IREB2: variants seen among roughly 807,000 people sequenced by gnomAD.
The protein encoded by IREB2 is iron-responsive element-binding protein 2.
In IREB2, 39 loss-of-function variants were observed where a neutral mutation model predicts 118.8. The ratio of observed to expected loss-of-function variants is 0.33; its 90% confidence interval spans 0.25 to 0.43. The LOEUF (loss-of-function observed/expected upper bound fraction) is 0.43. Among genes scored for constraint, IREB2 ranks in the 20% least tolerant of loss-of-function variants. The pLI, the probability that IREB2 is intolerant of heterozygous loss-of-function variation, is 1.00. For missense variants in IREB2, 900 were observed against 1,147.3 expected (o/e 0.78, Z 3.11); for synonymous variants, 372 against 392.2 (o/e 0.95, Z 0.61).
At chr15:78,483,528 A>G (rs576259053) in intron 11 of IREB2, 94 bp downstream of exon 11, 113 of 718,240 alleles carry the variant, frequency 1.6e-4, no homozygotes, top group African/African-American at 1.2e-4. Flanking sequence ...ATTCACTGCT[A>G]TGTTTTATAT....
intron 2 of IREB2, among the ~76,000 whole-genome samples, chr15:78,446,817 T>C (rs900375165): frequency 2.0e-5 from 3 of 151,992 alleles, no homozygotes; most frequent in African/African-American, 7.3e-5. Flanking sequence ...CCGAGAACTG[T>C]AGCAGTTTGG....
In IREB2 at chr15:78,440,385, A is replaced by G. The variant is rs573824746; in HGVS notation, c.106+504A>G. The stretch of plus-strand genomic sequence containing the variant: ...CTTTTCTTTTCTTTTTTTTTTTGAG[A>G]CAGAGTCTTGCTCTGTTGCCCAGGC... On this transcript the variant is annotated intron_variant, in intron 2 of 21. Transcript: ENST00000258886. 1.4e-4 allele frequency among the ~76,000 whole-genome samples: 21 copies of G among 148,772 alleles called. No individual in the cohort carries two copies. The South Asian group carries it at 1.5e-3, about 10-fold the overall frequency.
At chr15:78,495,307 G>T (rs1040291379) in intron 20 of IREB2, among the ~76,000 whole-genome samples, 1 of 152,054 alleles carries the variant, frequency 6.6e-6, no homozygotes, top group Non-Finnish European at 1.5e-5. Flanking sequence ...ATTAATGATA[G>T]GTATAGGTTA....
intron 2 of IREB2, among the ~76,000 whole-genome samples, chr15:78,458,306 T>A (rs374163486): frequency 6.6e-6 from 1 of 152,208 alleles, no homozygotes; most frequent in African/African-American, 2.4e-5. Context: ...GATTGTGATA[T>A]GCTGATACAG....
chr15:78,485,648 G>A, intron 12 of IREB2, 57 bp from the exon 13 acceptor site: 11 of 1,548,856 alleles, frequency 7.1e-6, no homozygotes, highest in Non-Finnish European at 9.7e-6. Context: ...ACTTTAATAT[G>A]GGTGAGAGAG....
intron 2 of IREB2, among the ~76,000 whole-genome samples, chr15:78,448,392 G>T (rs2050966658): frequency 6.6e-6 from 1 of 152,128 alleles, no homozygotes; most frequent in African/African-American, 2.4e-5. Flanking sequence ...TGATCTCCCT[G>T]CCTCAGCTTC....
chr15:78,473,984 G>A (rs1471269245), intron 8 of IREB2: 4 of 152,012 alleles, frequency 2.6e-5, no homozygotes, highest in Admixed American at 2.6e-4. Flanking sequence ...TTTTTCTGTT[G>A]CCGTTTTAAC....
chr15:78,476,468 A>T, intron 9 of IREB2, 109 bp downstream of exon 9: 1 of 782,880 alleles, frequency 1.3e-6, no homozygotes, highest in Middle Eastern at 3.8e-4. Flanking sequence ...ACAAAATTAC[A>T]TTATGTTGAA....
Position 78,490,765 on chromosome 15 carries a change from T to C in IREB2, c.2324+4T>C, listed in dbSNP as rs184854678. 12 of 1,613,920 alleles carry C rather than the reference T, an allele frequency of 7.4e-6. No homozygotes were observed. In the East Asian group the frequency reaches 1.8e-4, roughly 24 times the overall value. The stretch of plus-strand genomic sequence containing the variant: ...CTAAGTATTTGACAAACAGAGGGTA[T>C]GTGTACATGGCTTTAGAGTGTTTTT... On this transcript the variant is annotated splice_donor_region_variant and intron_variant, in intron 18 of 21. Transcript: ENST00000258886.
At chr15:78,454,333 AC>A (rs1408587859) in intron 2 of IREB2, among the ~76,000 whole-genome samples, 1 of 152,270 alleles carries the variant, frequency 6.6e-6, no homozygotes, top group Non-Finnish European at 1.5e-5. Context: ...ACAATGGAAT[AC>A]TATTTGGCAG....
chr15:78,489,179 G>T (rs1428166700), intron 16 of IREB2, among the ~76,000 whole-genome samples: 4 of 150,696 alleles, frequency 2.7e-5, no homozygotes, highest in Non-Finnish European at 5.9e-5. Context: ...CCGAGATCGC[G>T]CCACTGCACT....
intron 8 of IREB2, chr15:78,473,725 A>AG: frequency 5.7e-6 from 1 of 174,910 alleles, no homozygotes; most frequent in Non-Finnish European, 1.2e-5. Flanking sequence ...AGTAAGGGGT[A>AG]GAGCAAAGAT....
At position 78,471,749 on chromosome 15, in the gene IREB2, A is replaced by T. The variant is rs768846609; in HGVS notation, c.708A>T (p.Ser236=). 1 of 1,596,576 alleles carries T rather than the reference A, an allele frequency of 6.3e-7. No homozygotes were observed. The highest frequency in any genetic ancestry group is 8.5e-7 in the Non-Finnish European group (1 of 1,171,474). The change falls in exon 7 of 22, where the codon TCA becomes TCT. Residue 236 remains serine, a synonymous_variant. Transcript: ENST00000258886. ...ATTTAAACAAAATATAGTGGAGTTC[A>T]AGAGTTTTTAAGAATGTGGCAGTGA... The part of the protein sequence containing the change: ...RERLQFFKWS[S]RVFKNVAVIP...
At chr15:78,460,211 G>T (rs920417355) in intron 2 of IREB2, among the ~76,000 whole-genome samples, 25 of 152,182 alleles carry the variant, frequency 1.6e-4, no homozygotes, top group Non-Finnish European at 3.1e-4. Context: ...TTCATTAGGT[G>T]TTGCACATTG....
At chr15:78,438,027 C>CA, upstream of IREB2, 1 of 444,664 alleles carries the variant, frequency 2.2e-6, no homozygotes, top group Non-Finnish European at 4.1e-6. Flanking sequence ...CCAACGCCCC[C>CA]ACTGGAGCCT....
chr15:78,457,533 T>C (rs2051125956), intron 2 of IREB2, among the ~76,000 whole-genome samples: 1 of 152,224 alleles, frequency 6.6e-6, no homozygotes. Flanking sequence ...TTTGGAATTT[T>C]GAAGGCATTT....
At chr15:78,484,348 T>C (rs541212649) in intron 11 of IREB2, among the ~76,000 whole-genome samples, 14 of 152,282 alleles carry the variant, frequency 9.2e-5, no homozygotes, top group Non-Finnish European at 1.9e-4. Context: ...TAGCAACTCA[T>C]AGCCAATCTT....
At chr15:78,476,588 A>G in intron 9 of IREB2, 3 of 316,080 alleles carry the variant, frequency 9.5e-6, no homozygotes, top group Non-Finnish European at 1.8e-5. Flanking sequence ...CAAACCATTG[A>G]TCCTGACTTG....
At chr15:78,495,744 A>G (rs983181955) in intron 20 of IREB2, among the ~76,000 whole-genome samples, 2 of 152,212 alleles carry the variant, frequency 1.3e-5, no homozygotes, top group Non-Finnish European at 2.9e-5. Context: ...ATTGGTCCTC[A>G]GGTGGTAAAA....
Sources: allele counts gnomAD v4.1 joint callset (sites outside exome capture counted in the v4.1 genomes callset), GRCh38; gene constraint gnomAD v4.1.1; transcripts MANE v1.5; gene names NCBI Gene and HGNC (gene_info 2026-07-23, HGNC 2026-07-21).